SLC25A36: variants seen among roughly 807,000 people sequenced by gnomAD.
The protein encoded by SLC25A36 is epididymis secretory sperm binding protein.
Under a neutral mutation model 35.3 loss-of-function variants are expected in SLC25A36, and 24 were observed. The observed-to-expected ratio is 0.68, with a 90% CI of 0.49 to 0.96. The LOEUF (loss-of-function observed/expected upper bound fraction) is 0.96, where lower values mean the gene tolerates loss of function less well. SLC25A36 is among the 40% of genes least tolerant of loss of function. SLC25A36 has a pLI of 0.00. For missense variants in SLC25A36, 294 were observed against 381.1 expected (o/e 0.77, Z 1.90); for synonymous variants, 141 against 132.2 (o/e 1.07, Z -0.46).
chr3:140,953,764 TTG>T (rs1309793843), intron 1 of SLC25A36, among the ~76,000 whole-genome samples: 1 of 152,102 alleles, frequency 6.6e-6, no homozygotes, highest in Non-Finnish European at 1.5e-5. Context: ...CAAGACCAGT[TTG>T]TGCAACATAG....
At chr3:140,952,028 T>C (rs1170892504) in intron 1 of SLC25A36, among the ~76,000 whole-genome samples, 2 of 151,210 alleles carry the variant, frequency 1.3e-5, no homozygotes. Context: ...TCTTTTTTTT[T>C]TTTTTGCGAT....
chr3:140,952,074 T>C (rs1934343246), intron 1 of SLC25A36, among the ~76,000 whole-genome samples: 1 of 151,148 alleles, frequency 6.6e-6, no homozygotes, highest in Non-Finnish European at 1.5e-5. Flanking sequence ...TGGAGTGCAG[T>C]GGCACAATCT....
intron 3 of SLC25A36, among the ~76,000 whole-genome samples, chr3:140,962,344 A>C (rs1315489661): frequency 6.6e-6 from 1 of 152,226 alleles, no homozygotes; most frequent in East Asian, 1.9e-4. Context: ...TGGATATTTC[A>C]TACAGCAAGC....
intron 3 of SLC25A36, among the ~76,000 whole-genome samples, chr3:140,961,977 AT>A (rs1934642407): frequency 1.3e-5 from 2 of 148,312 alleles, no homozygotes; most frequent in South Asian, 4.4e-4. Context: ...ACTAAGAGGG[AT>A]TTTTCACTGT....
intron 4 of SLC25A36, among the ~76,000 whole-genome samples, chr3:140,967,214 T>C (rs1261003004): frequency 1.3e-5 from 2 of 151,932 alleles, no homozygotes; most frequent in African/African-American, 2.4e-5. Context: ...TGAGGTATTT[T>C]TCAGTCATCA....
intron 1 of SLC25A36, among the ~76,000 whole-genome samples, chr3:140,943,149 A>G (rs1266499043): frequency 6.6e-6 from 1 of 152,192 alleles, no homozygotes; most frequent in Non-Finnish European, 1.5e-5. Context: ...TTGGAGGATT[A>G]TAAAGAGTTT....
At chr3:140,950,442 G>C (rs969589719) in intron 1 of SLC25A36, among the ~76,000 whole-genome samples, 2 of 151,828 alleles carry the variant, frequency 1.3e-5, no homozygotes, top group African/African-American at 4.8e-5. Flanking sequence ...TTTTTTTCAG[G>C]TCTGCCATTT....
intron 1 of SLC25A36, among the ~76,000 whole-genome samples, chr3:140,943,370 T>A (rs1408496483): frequency 2.6e-5 from 4 of 152,248 alleles, no homozygotes; most frequent in African/African-American, 9.7e-5. Context: ...CAACAAATAT[T>A]TGTTGTACAC....
Position 140,963,126 on chromosome 3 carries a change from G to T in SLC25A36, c.285-1G>T. 1 of 1,542,944 alleles carries T rather than the reference G, an allele frequency of 6.5e-7. No individual in the cohort carries two copies. On this transcript the variant is annotated splice_acceptor_variant, in intron 3 of 6. Transcript: ENST00000324194. LOFTEE classifies it high-confidence loss of function. ...TTGATAAATCTAAATCTCTATTTTA[G>T]AGCAATATACTTTGCTGCTTATTCA...
At chr3:140,948,639 C>T (rs1055539150) in intron 1 of SLC25A36, among the ~76,000 whole-genome samples, 1 of 152,204 alleles carries the variant, frequency 6.6e-6, no homozygotes, top group South Asian at 2.1e-4. Flanking sequence ...ATAATATGCA[C>T]ATACAAATAT....
chr3:140,972,873 G>A (rs867499905), intron 5 of SLC25A36: 2 of 152,134 alleles, frequency 1.3e-5, no homozygotes, highest in South Asian at 2.1e-4. Flanking sequence ...AAACAAGTTA[G>A]GTATAATTTA....
chr3:140,969,729 G>T (rs1402655875), intron 4 of SLC25A36, among the ~76,000 whole-genome samples: 1 of 151,766 alleles, frequency 6.6e-6, no homozygotes, highest in Non-Finnish European at 1.5e-5. Flanking sequence ...GCCAAGAAAG[G>T]TTTATGATTG....
rs892929806 is a variant in SLC25A36, at chr3:140,953,916, G to C, written c.42-2611G>C. On this transcript the variant is annotated intron_variant, in intron 1 of 6. Transcript: ENST00000324194. ...ACCCAGGAGTTCAAGGCTACAGTGAGCTATGATCGTGCCACTGCACTCCAG... is the reference window on the plus strand; with the variant it reads ...ACCCAGGAGTTCAAGGCTACAGTGACCTATGATCGTGCCACTGCACTCCAG... 2.0e-5 allele frequency among the ~76,000 whole-genome samples: 3 copies of C among 152,252 alleles called. No individual in the cohort carries two copies. The East Asian group carries it at 5.8e-4, about 29-fold the overall frequency.
intron 1 of SLC25A36, among the ~76,000 whole-genome samples, chr3:140,949,802 C>G (rs774646525): frequency 6.6e-6 from 1 of 152,182 alleles, no homozygotes; most frequent in African/African-American, 2.4e-5. Flanking sequence ...AAACCAGTGA[C>G]TGTTTTATAG....
chr3:140,967,063 C>G, intron 4 of SLC25A36: 2 of 456,112 alleles, frequency 4.4e-6, no homozygotes, highest in South Asian at 3.1e-5. Context: ...GCATCTCTTG[C>G]AGCCTGTAGT....
chr3:140,968,620 A>G (rs2107809425), intron 4 of SLC25A36: 2 of 953,118 alleles, frequency 2.1e-6, no homozygotes, highest in Non-Finnish European at 2.5e-6. Flanking sequence ...TTTTGTTCCT[A>G]ACAACATTTA....
At chr3:140,953,175 C>CA (rs61383196) in intron 1 of SLC25A36, among the ~76,000 whole-genome samples, 11,399 of 152,164 alleles carry the variant, frequency 0.075, 534 homozygotes, top group East Asian at 0.16. Flanking sequence ...CAACTCTTAT[C>CA]TAAGTAAATT....
At chr3:140,946,221 A>G (rs541796465) in intron 1 of SLC25A36, among the ~76,000 whole-genome samples, 87 of 152,286 alleles carry the variant, frequency 5.7e-4, no homozygotes, top group Admixed American at 2.2e-3. Context: ...GTAGGAGTGC[A>G]CTCTAGTACT....
At chr3:140,957,631 C>T (rs1934511022) in intron 2 of SLC25A36, among the ~76,000 whole-genome samples, 1 of 152,064 alleles carries the variant, frequency 6.6e-6, no homozygotes, top group Non-Finnish European at 1.5e-5. Context: ...ATCCCAGCTA[C>T]TCAGGAGGCT....
Sources: gnomAD v4.1 joint callset for allele counts (sites outside exome capture counted in the v4.1 genomes callset) on GRCh38, gnomAD v4.1.1 for gene constraint, MANE v1.5 for transcripts, NCBI Gene and HGNC (gene_info 2026-07-23, HGNC 2026-07-21) for gene names.